TBC1D23: variants seen among roughly 807,000 people sequenced by gnomAD.
The protein encoded by TBC1D23 is HCV non-structural protein 4A-transactivated protein 1.
In TBC1D23, 55 loss-of-function variants were observed where a neutral mutation model predicts 91.4. That is an observed-to-expected ratio of 0.60 (90% CI 0.48 to 0.75). The LOEUF is 0.75. Ranked by LOEUF, TBC1D23 falls within the 30% of genes least tolerant of loss-of-function variation. TBC1D23 has a pLI of 0.00. For synonymous variants in TBC1D23, 289 were observed against 281.0 expected (o/e 1.03, Z -0.28); for missense variants, 725 against 836.1 (o/e 0.87, Z 1.64).
intron 1 of TBC1D23, among the ~76,000 whole-genome samples, chr3:100,274,894 A>AC (rs566977209): frequency 0.24 from 31,522 of 131,248 alleles, 3,973 homozygotes; most frequent in East Asian, 0.47. Flanking sequence ...TACAGTACAC[A>AC]CCCCCCCCCT....
intron 1 of TBC1D23, among the ~76,000 whole-genome samples, chr3:100,266,632 C>T (rs191488713): frequency 6.6e-6 from 1 of 152,180 alleles, no homozygotes; most frequent in African/African-American, 2.4e-5. Context: ...GTTTTAATAT[C>T]CATAATTTGA....
chr3:100,264,736 C>T (rs2148847641), intron 1 of TBC1D23, among the ~76,000 whole-genome samples: 1 of 152,272 alleles, frequency 6.6e-6, no homozygotes, highest in South Asian at 2.1e-4. Flanking sequence ...ATTGTATATA[C>T]ATTCTTAAAA....
chr3:100,301,489 G>A (rs1209917815), intron 10 of TBC1D23, among the ~76,000 whole-genome samples: 1 of 152,058 alleles, frequency 6.6e-6, no homozygotes, highest in Non-Finnish European at 1.5e-5. Context: ...TATATGATCT[G>A]TCCATTTTTC....
intron 4 of TBC1D23, among the ~76,000 whole-genome samples, chr3:100,288,078 C>CA (rs1308910740): frequency 6.6e-6 from 1 of 151,200 alleles, no homozygotes; most frequent in Non-Finnish European, 1.5e-5. Context: ...CCTGATCCTA[C>CA]AAAAAAAATT....
At chr3:100,318,438 C>T (rs1705792342) in intron 16 of TBC1D23, among the ~76,000 whole-genome samples, 2 of 152,016 alleles carry the variant, frequency 1.3e-5, no homozygotes, top group African/African-American at 4.8e-5. Flanking sequence ...AACAATTCAG[C>T]CATCTCTTTA....
At chr3:100,273,269 C>A (rs2067616319) in intron 1 of TBC1D23, among the ~76,000 whole-genome samples, 1 of 152,142 alleles carries the variant, frequency 6.6e-6, no homozygotes, top group South Asian at 2.1e-4. Flanking sequence ...TCTTGCACAG[C>A]CCTTAATCCA....
chr3:100,268,182 C>T (rs2067572355), intron 1 of TBC1D23, among the ~76,000 whole-genome samples: 1 of 151,958 alleles, frequency 6.6e-6, no homozygotes, highest in Non-Finnish European at 1.5e-5. Context: ...TAATGATGTC[C>T]ATGGGTTATT....
intron 1 of TBC1D23, 69 bp downstream of exon 1, chr3:100,261,140 G>A: frequency 6.7e-7 from 1 of 1,487,736 alleles, no homozygotes; most frequent in Admixed American, 1.7e-5. Context: ...GCCGGTCCCC[G>A]AGGAGCCGTC....
intron 1 of TBC1D23, 139 bp downstream of exon 1, chr3:100,261,210 C>T: frequency 3.9e-6 from 3 of 769,572 alleles, no homozygotes; most frequent in Non-Finnish European, 4.3e-6. Context: ...CTGCCCTACC[C>T]CTCTGCCAGC....
intron 1 of TBC1D23, among the ~76,000 whole-genome samples, chr3:100,269,590 T>C (rs2067584772): frequency 6.6e-6 from 1 of 152,230 alleles, no homozygotes; most frequent in Non-Finnish European, 1.5e-5. Flanking sequence ...GCACAAGACA[T>C]ACTGTGGTCC....
At chr3:100,269,156 C>CTGGG (rs2067581132) in intron 1 of TBC1D23, among the ~76,000 whole-genome samples, 1 of 152,128 alleles carries the variant, frequency 6.6e-6, no homozygotes, top group Non-Finnish European at 1.5e-5. Flanking sequence ...TTGCCTATTG[C>CTGGG]ATACAATGAT....
chr3:100,280,304 G>A (rs2067683871), intron 2 of TBC1D23, among the ~76,000 whole-genome samples: 2 of 152,096 alleles, frequency 1.3e-5, no homozygotes, highest in Admixed American at 6.5e-5. Context: ...AAAATAGGAT[G>A]TATATTTGCA....
Position 100,319,077 on chromosome 3 carries a change from G to T in TBC1D23, c.1696G>T (p.Asp566Tyr). 1 of 1,561,018 alleles carries T rather than the reference G, an allele frequency of 6.4e-7. No homozygotes were observed. Among genetic ancestry groups the T allele is most frequent in the South Asian group, 1.2e-5 (1 of 85,018 alleles). ...DEEEYDTDEI[D>Y]SSSMSDDDRK... ...CTTTGTATTTTTTATAGATGAAATTGACAGTTCTTCAATGTCAGATGATGA... is the reference window on the plus strand; with the variant it reads ...CTTTGTATTTTTTATAGATGAAATTTACAGTTCTTCAATGTCAGATGATGA... The change falls in exon 17 of 19, where the codon GAC becomes TAC. Residue 566 changes from aspartate to tyrosine, a missense_variant. Asp to Tyr is a radical substitution (Grantham distance 160). Transcript: ENST00000394144.
At chr3:100,283,498 T>G (rs2067712407) in intron 3 of TBC1D23, 109 bp from the exon 4 acceptor site, 1 of 660,708 alleles carries the variant, frequency 1.5e-6, no homozygotes, top group Non-Finnish European at 2.6e-6. Flanking sequence ...TCACTTTGTC[T>G]TTCTCTAAAT....
At chr3:100,270,025 A>G (rs1296665047) in intron 1 of TBC1D23, among the ~76,000 whole-genome samples, 1 of 152,238 alleles carries the variant, frequency 6.6e-6, no homozygotes, top group Non-Finnish European at 1.5e-5. Context: ...ACAGTGATTT[A>G]CATTCTAAAC....
intron 1 of TBC1D23, among the ~76,000 whole-genome samples, chr3:100,268,390 A>G (rs1375964059): frequency 6.6e-6 from 1 of 152,136 alleles, no homozygotes; most frequent in African/African-American, 2.4e-5. Flanking sequence ...GATGGTTGGA[A>G]TCCAGCTTAA....
At chr3:100,291,867 G>C (rs147898862) in intron 5 of TBC1D23, among the ~76,000 whole-genome samples, 27 of 147,244 alleles carry the variant, frequency 1.8e-4, no homozygotes, top group African/African-American at 5.7e-4. Flanking sequence ...CCCAGGTTAA[G>C]CGATTCTTCT....
intron 10 of TBC1D23, among the ~76,000 whole-genome samples, chr3:100,300,963 A>C (rs928574757): frequency 6.6e-6 from 1 of 152,172 alleles, no homozygotes; most frequent in Admixed American, 6.5e-5. Context: ...ATAGTGGTCC[A>C]TGGTACATGT....
chr3:100,273,249 A>G (rs1281335688), intron 1 of TBC1D23, among the ~76,000 whole-genome samples: 1 of 152,208 alleles, frequency 6.6e-6, no homozygotes, highest in East Asian at 1.9e-4. Flanking sequence ...CATCTGTTTA[A>G]CAAAGCACAT....
Sources: gnomAD v4.1 joint callset for allele counts (sites outside exome capture counted in the v4.1 genomes callset) on GRCh38, gnomAD v4.1.1 for gene constraint, MANE v1.5 for transcripts, NCBI Gene and HGNC (gene_info 2026-07-23, HGNC 2026-07-21) for gene names.